The following DOCK8 variants were observed in gnomAD, a reference collection of about 807,000 sequenced individuals.
DOCK8 encodes the protein dedicator of cytokinesis protein 8.
A neutral mutation model predicts 245.6 loss-of-function variants in DOCK8; 141 were observed. The observed-to-expected ratio is 0.57, with a 90% CI of 0.50 to 0.66. The LOEUF is 0.66. Ranked by LOEUF, DOCK8 falls within the 30% of genes least tolerant of loss-of-function variation. DOCK8 has a pLI of 0.00. For synonymous variants in DOCK8, 1,168 were observed against 970.2 expected (o/e 1.20, Z -3.79); for missense variants, 2,965 against 2,603.4 (o/e 1.14, Z -3.02).
chr9:427,395 G>T (rs1288771003), intron 34 of DOCK8, among the ~76,000 whole-genome samples: 2 of 152,260 alleles, frequency 1.3e-5, no homozygotes, highest in East Asian at 3.9e-4. Flanking sequence ...GACTAGGCTA[G>T]GTAAAAAGAG....
intron 26 of DOCK8, among the ~76,000 whole-genome samples, chr9:400,457 T>C (rs1180682871): frequency 0.027 from 22 of 828 alleles, no homozygotes; most frequent in South Asian, 0.25. Flanking sequence ...ACCAGCATCT[T>C]CACCATCACC....
At chr9:308,899 C>T (rs1399517355) in intron 5 of DOCK8, among the ~76,000 whole-genome samples, 1 of 152,188 alleles carries the variant, frequency 6.6e-6, no homozygotes, top group Non-Finnish European at 1.5e-5. Context: ...CCTCATGATC[C>T]CCCGGCCTTG....
rs750785315 is a variant in DOCK8 at position 379,889 on chromosome 9, C to G, written c.2559C>G (p.His853Gln). Reference sequence around the variant, plus strand: ...ACTGCCTGCTGGCTTCCTACGTGCACTACGTCTTCCGCCTGCCAGAGGTGC... The same window carrying G: ...ACTGCCTGCTGGCTTCCTACGTGCAGTACGTCTTCCGCCTGCCAGAGGTGC... ...GRNCLLASYV[H>Q]YVFRLPEVQR... The change falls in exon 21 of 48, where the codon CAC (histidine) becomes CAG (glutamine). Residue 853 changes from histidine to glutamine, a missense_variant. His to Gln is a conservative substitution (Grantham distance 24). Coordinates refer to ENST00000432829, the MANE Select transcript of DOCK8 (RefSeq NM_203447.4). 1.9e-6 allele frequency: 3 copies of G among 1,614,082 alleles called. No homozygotes were observed. Among genetic ancestry groups the G allele is most frequent in the African/African-American group, 1.3e-5 (1 of 74,948 alleles).
At chr9:374,493 G>T (rs2053439271) in intron 18 of DOCK8, among the ~76,000 whole-genome samples, 2 of 101,596 alleles carry the variant, frequency 2.0e-5, no homozygotes, top group South Asian at 3.5e-4. Flanking sequence ...ACAGGGTCTT[G>T]CTCTGTCACT....
intron 1 of DOCK8, among the ~76,000 whole-genome samples, chr9:247,109 T>C (rs1158172130): frequency 6.6e-6 from 1 of 152,218 alleles, no homozygotes; most frequent in African/African-American, 2.4e-5. Context: ...ATGACCTGAG[T>C]GTTTTCCTTC....
upstream of DOCK8, chr9:214,492 C>T (rs186595330): frequency 2.5e-6 from 4 of 1,609,902 alleles, no homozygotes; most frequent in South Asian, 3.3e-5. Flanking sequence ...GGTGTCAACC[C>T]TTAATAACAC....
chr9:304,854 A>C, intron 5 of DOCK8, 150 bp downstream of exon 5: 1 of 1,128,590 alleles, frequency 8.9e-7, no homozygotes, highest in Non-Finnish European at 1.3e-6. Context: ...TTTTTTTTTC[A>C]AACTTATTTG....
intron 1 of DOCK8, among the ~76,000 whole-genome samples, chr9:224,089 A>G (rs1187153024): frequency 6.6e-6 from 1 of 152,206 alleles, no homozygotes; most frequent in Non-Finnish European, 1.5e-5. Flanking sequence ...GAGGAGTTCC[A>G]AAAGTGAGTT....
intron 1 of DOCK8, 191 bp downstream of exon 1, chr9:215,220 G>T: frequency 1.3e-6 from 2 of 1,546,688 alleles, no homozygotes. Context: ...CTCCTGCGCT[G>T]GGCCCGGCGA....
At position 405,020 on chromosome 9, in the gene DOCK8, T is replaced by C. The variant is rs779343060; in HGVS notation, c.3337T>C (p.Phe1113Leu). 4.2e-5 allele frequency: 67 copies of C among 1,613,962 alleles called. No individual in the cohort carries two copies. The Middle Eastern group carries it at 1.3e-3, about 32-fold the overall frequency. Residue 1113 changes from phenylalanine (F) to leucine (L), a missense_variant, in exon 27 of 48, where the codon TTT becomes CTT. Physicochemically the swap from Phe to Leu is conservative, Grantham distance 22. Transcript: ENST00000432829. ...HEHYLNLNLF[F>L]MNADTAPTSP... ...GCATTACCTCAATCTGAACCTTTTT[T>C]TTATGAATGCTGATACTGCTCCAAC...
chr9:288,740 CGAT>C (rs1165335301), intron 3 of DOCK8, among the ~76,000 whole-genome samples: 1 of 152,062 alleles, frequency 6.6e-6, no homozygotes, highest in Non-Finnish European at 1.5e-5. Context: ...TAGCTATAAG[CGAT>C]GAAGCTGGGA....
At chr9:319,525 G>A (rs1213550833) in intron 7 of DOCK8, among the ~76,000 whole-genome samples, 4 of 152,128 alleles carry the variant, frequency 2.6e-5, no homozygotes, top group Non-Finnish European at 5.9e-5. Context: ...ATGAAAGAAA[G>A]AAACAAATTC....
chr9:289,708 T>C (rs1376291000), intron 4 of DOCK8, 127 bp downstream of exon 4: 14 of 765,912 alleles, frequency 1.8e-5, no homozygotes, highest in Non-Finnish European at 3.0e-5. Context: ...AGAGTTCTCA[T>C]GTATGCCTTC....
chr9:279,765 A>G (rs2048501098), intron 2 of DOCK8, among the ~76,000 whole-genome samples: 1 of 152,188 alleles, frequency 6.6e-6, no homozygotes, highest in Non-Finnish European at 1.5e-5. Flanking sequence ...CACTCTCCAA[A>G]AGGTAAAGAA....
chr9:379,521 T>C (rs896450364), intron 20 of DOCK8, among the ~76,000 whole-genome samples: 2 of 152,116 alleles, frequency 1.3e-5, no homozygotes, highest in African/African-American at 2.4e-5. Context: ...CTGGACAGTC[T>C]TATGTCTTTG....
rs935732568 is a variant in DOCK8 at position 443,480 on chromosome 9, C to T, written c.5544C>T (p.Ser1848=). ...AATTTGTGGAAGTGATTAAAGACTC[C>T]ACTCCTGTGGACAAAACCAAGTTGG... The part of the protein sequence containing the change: ...GAEFVEVIKD[S]TPVDKTKLDP... Residue 1848 remains serine, a synonymous_variant, in exon 43 of 48, where the codon TCC becomes TCT. Transcript: ENST00000432829. 2 of 1,614,016 alleles carry T rather than the reference C, an allele frequency of 1.2e-6. No homozygotes were observed. The highest frequency in any genetic ancestry group is 1.7e-6 in the Non-Finnish European group (2 of 1,179,978).
At chr9:316,273 T>C (rs1000652192) in intron 6 of DOCK8, among the ~76,000 whole-genome samples, 12 of 151,968 alleles carry the variant, frequency 7.9e-5, no homozygotes, top group Admixed American at 7.2e-4. Flanking sequence ...ACTGCAAGAG[T>C]GGGAATTACT....
intron 35 of DOCK8, among the ~76,000 whole-genome samples, chr9:428,825 G>C (rs183455077): frequency 6.6e-6 from 1 of 152,332 alleles, no homozygotes; most frequent in Admixed American, 6.5e-5. Context: ...TCTGCTGAGT[G>C]AGATTAAATC....
chr9:327,930 ATT>A (rs1268500190), intron 8 of DOCK8, 90 bp from the exon 9 acceptor site: 5 of 1,278,348 alleles, frequency 3.9e-6, no homozygotes, highest in Admixed American at 1.7e-5. Context: ...CTTCAGCAAA[ATT>A]TCTCTGTGGT....
Sources: gnomAD v4.1 joint callset for allele counts (sites outside exome capture counted in the v4.1 genomes callset) on GRCh38, gnomAD v4.1.1 for gene constraint, MANE v1.5 for transcripts, NCBI Gene and HGNC (gene_info 2026-07-23, HGNC 2026-07-21) for gene names.